The following LCP2 variants were observed in gnomAD, a reference collection of about 807,000 sequenced individuals.
LCP2 encodes the protein lymphocyte cytosolic protein 2.
Under a neutral mutation model 74.5 loss-of-function variants are expected in LCP2, and 29 were observed. The ratio of observed to expected loss-of-function variants is 0.39; its 90% CI spans 0.29 to 0.53. The LOEUF (loss-of-function observed/expected upper bound fraction) is 0.53, where lower values mean the gene tolerates loss of function less well. LCP2 is among the 20% of genes least tolerant of loss of function. The pLI, the probability that LCP2 is intolerant of heterozygous loss-of-function variation, is 0.72. For synonymous variants in LCP2, 228 were observed against 229.5 expected, an observed-to-expected ratio of 0.99 and a Z score of 0.06; for missense variants, 604 against 634.6, an observed-to-expected ratio of 0.95 and a Z score of 0.52.
At chr5:170,274,472 C>T (rs532528014) in intron 5 of LCP2, 134 bp from the exon 6 acceptor site, 1 of 901,698 alleles carries the variant, frequency 1.1e-6, no homozygotes, top group East Asian at 2.6e-5. Context: ...TCCCACACCC[C>T]TGCAGGTTTA....
intron 17 of LCP2, among the ~76,000 whole-genome samples, chr5:170,255,021 A>C (rs1483419502): frequency 6.6e-6 from 1 of 152,252 alleles, no homozygotes; most frequent in Non-Finnish European, 1.5e-5. Context: ...AAGCCCCATC[A>C]CAGACTCATA....
intron 15 of LCP2, chr5:170,258,412 AT>A: frequency 2.5e-6 from 1 of 395,308 alleles, no homozygotes; most frequent in Non-Finnish European, 4.5e-6. Flanking sequence ...ATACACATTG[AT>A]TTTGTTTTTC....
intron 7 of LCP2, among the ~76,000 whole-genome samples, chr5:170,269,546 A>G (rs547107599): frequency 9.2e-5 from 14 of 152,182 alleles, no homozygotes; most frequent in Non-Finnish European, 1.5e-4. Flanking sequence ...TACTGCTCCA[A>G]ATGTTCTTCC....
chr5:170,281,570 C>T (rs1581072109), intron 3 of LCP2, among the ~76,000 whole-genome samples: 1 of 152,328 alleles, frequency 6.6e-6, no homozygotes, highest in South Asian at 2.1e-4. Context: ...ATTTGAGTGG[C>T]CACATTCTTT....
chr5:170,251,382 CT>C (rs1761438843), intron 19 of LCP2: 1 of 216,808 alleles, frequency 4.6e-6, no homozygotes, highest in African/African-American at 2.3e-5. Context: ...TCATCAGACC[CT>C]TGAGCAAAAT....
rs1393483109 is a variant in LCP2 at position 170,297,653 on chromosome 5, G to T, written c.-42C>A. 7 of 1,550,926 alleles carry T rather than the reference G, an allele frequency of 4.5e-6. No homozygotes were observed. Among genetic ancestry groups the T allele is most frequent in the African/African-American group, 4.1e-5 (3 of 73,504 alleles). The stretch of plus-strand genomic sequence containing the variant: ...AGAAGCTCACAAGCTGAGCATGGGC[G>T]CTTCACCCATGGGCAGAGAAGCTCA... On this transcript the variant is annotated 5_prime_UTR_variant, in exon 1 of 21. Coordinates refer to ENST00000046794, the MANE Select transcript of LCP2 (RefSeq NM_005565.5).
chr5:170,261,011 T>TGGGCCA, intron 14 of LCP2, 96 bp downstream of exon 14: 1 of 908,084 alleles, frequency 1.1e-6, no homozygotes, highest in Non-Finnish European at 1.8e-6. Flanking sequence ...CTCCAGGTTC[T>TGGGCCA]GGGCCAAGGC....
intron 2 of LCP2, among the ~76,000 whole-genome samples, chr5:170,291,519 A>G (rs1305303094): frequency 6.6e-6 from 1 of 152,198 alleles, no homozygotes; most frequent in Non-Finnish European, 1.5e-5. Flanking sequence ...AATGTGCCAC[A>G]TTGTCTGAAG....
Position 170,267,072 on chromosome 5 carries a change from G to C in LCP2, c.625C>G (p.Leu209Val). The C allele has an allele frequency of 6.2e-7, 1 of 1,613,890 alleles. No homozygotes were observed. Among genetic ancestry groups the C allele is most frequent in the South Asian group, 1.1e-5 (1 of 91,074 alleles). ...PPPAGRNHSP[L>V]PPPQTNHEEP... ...TCGTGGTTGGTCTGGGGTGGGGGCA[G>C]TGGCTGCATAAAGATCCAAACGTTA... is the stretch of plus-strand genomic sequence containing the variant. The change falls in exon 9 of 21, where the codon CTG (leucine) becomes GTG (valine). Residue 209 changes from leucine to valine, a missense_variant. Leu to Val is a conservative substitution (Grantham distance 32). Transcript: ENST00000046794.
At chr5:170,290,160 G>A (rs1762265446) in intron 2 of LCP2, among the ~76,000 whole-genome samples, 1 of 152,154 alleles carries the variant, frequency 6.6e-6, no homozygotes, top group South Asian at 2.1e-4. Flanking sequence ...GTAAACTCTG[G>A]GTTATTTGCA....
At chr5:170,291,355 C>G (rs1479577096) in intron 2 of LCP2, among the ~76,000 whole-genome samples, 1 of 152,194 alleles carries the variant, frequency 6.6e-6, no homozygotes, top group East Asian at 1.9e-4. Context: ...TCAAGCGTCC[C>G]AAATTGTACC....
chr5:170,284,337 T>C (rs1762149690), intron 3 of LCP2, among the ~76,000 whole-genome samples: 1 of 152,244 alleles, frequency 6.6e-6, no homozygotes, highest in African/African-American at 2.4e-5. Flanking sequence ...TTCGTCTTCA[T>C]TTTTGAAAGA....
intron 11 of LCP2, 46 bp downstream of exon 11, chr5:170,262,921 G>A (rs1054573883): frequency 1.9e-5 from 31 of 1,613,912 alleles, no homozygotes; most frequent in Non-Finnish European, 2.6e-5. Context: ...ATAAGGACAA[G>A]ATGTGAAACA....
chr5:170,278,702 G>A (rs1309075504), intron 3 of LCP2, among the ~76,000 whole-genome samples: 2 of 152,070 alleles, frequency 1.3e-5, no homozygotes, highest in East Asian at 3.9e-4. Flanking sequence ...AGAACCTCCT[G>A]CTCTCTGCGG....
At chr5:170,251,167 T>G (rs1761430516) in intron 19 of LCP2, 1 of 320,868 alleles carries the variant, frequency 3.1e-6, no homozygotes, top group Non-Finnish European at 5.8e-6. Context: ...CGGAATCTTT[T>G]GTTCAGTAAT....
At chr5:170,266,953 G>A in intron 9 of LCP2, 56 bp downstream of exon 9, 1 of 1,610,898 alleles carries the variant, frequency 6.2e-7, no homozygotes, top group Non-Finnish European at 8.5e-7. Flanking sequence ...GGGTTGGGCG[G>A]GGCTAGGGGA....
intron 13 of LCP2, 75 bp from the exon 14 acceptor site, chr5:170,261,212 G>T: frequency 1.7e-6 from 2 of 1,144,024 alleles, no homozygotes; most frequent in Non-Finnish European, 2.6e-6. Flanking sequence ...ATACAGTTTT[G>T]CTTCATTGAA....
chr5:170,280,539 C>A (rs1475233056), intron 3 of LCP2, among the ~76,000 whole-genome samples: 1 of 152,174 alleles, frequency 6.6e-6, no homozygotes, highest in Non-Finnish European at 1.5e-5. Context: ...TTCACCATCA[C>A]CTGAGGCCTC....
chr5:170,273,726 C>A, intron 6 of LCP2: 1 of 155,312 alleles, frequency 6.4e-6, no homozygotes, highest in Admixed American at 6.3e-5. Context: ...AGGGGTTGTA[C>A]AATCCGTCAG....
Sources: gnomAD v4.1 joint callset for allele counts (sites outside exome capture counted in the v4.1 genomes callset) on GRCh38, gnomAD v4.1.1 for gene constraint, MANE v1.5 for transcripts, NCBI Gene and HGNC (gene_info 2026-07-23, HGNC 2026-07-21) for gene names.